Variants in KMT2B observed in about 807,000 individuals in gnomAD.
KMT2B encodes histone-lysine N-methyltransferase 2B.
Under a neutral mutation model 255.3 loss-of-function variants are expected in KMT2B, and 22 were observed. The ratio of observed to expected loss-of-function variants is 0.09; its 90% CI spans 0.06 to 0.12. The LOEUF (loss-of-function observed/expected upper bound fraction) is 0.12. KMT2B is among the 10% of genes least tolerant of loss of function. The pLI, the probability that KMT2B is intolerant of heterozygous loss-of-function variation, is 1.00. For missense variants in KMT2B, 3,149 were observed against 3,737.0 expected, an observed-to-expected ratio of 0.84 and a Z score of 4.10; for synonymous variants, 1,730 against 1,498.1, an observed-to-expected ratio of 1.15 and a Z score of -3.57.
intron 30 of KMT2B, among the ~76,000 whole-genome samples, chr19:35,734,080 A>G (rs1355738732): frequency 6.6e-6 from 1 of 152,042 alleles, no homozygotes. Context: ...TCTACGTGGG[A>G]TCCTTTTAAG....
rs1599682126 is a variant in KMT2B, at chr19:35,726,413, T to C, written c.4003+60T>C. ...CCACAGGGGAATGGCCAGGCTCTTT[T>C]ACAGGCTTTAGCACAGACCCTCTTT... On this transcript the variant is annotated intron_variant, in intron 14 of 36. Transcript: ENST00000420124. 10 of 1,136,702 alleles carry C rather than the reference T, an allele frequency of 8.8e-6. No individual in the cohort carries two copies. The East Asian group carries it at 2.3e-4, about 27-fold the overall frequency. The allele number at this position is 1,136,702 out of a possible 1,614,324, so 70.4% of individuals were successfully genotyped here.
Position 35,723,724 on chromosome 19 carries a change from TC to T in KMT2B, c.3059-5del. 1 of 1,521,162 alleles carries T rather than the reference TC, an allele frequency of 6.6e-7. No individual in the cohort carries two copies. The highest frequency in any genetic ancestry group is 8.8e-7 in the Non-Finnish European group (1 of 1,134,580). 94.2% of individuals were successfully genotyped at this position (1,521,162 alleles called of 1,614,324 possible). A position where few individuals can be genotyped will look rare whatever the true frequency, so the allele number is the denominator to read the frequency against. The stretch of plus-strand genomic sequence containing the variant: ...GCTCAAATCCTACTAAGTCCCCTGT[TC>T]CCGCAGGCCGGACGATAGTGAAGAC... On this transcript the variant is annotated splice_region_variant and splice_polypyrimidine_tract_variant and intron_variant, in intron 7 of 36. Coordinates refer to ENST00000420124, the MANE Select transcript of KMT2B (RefSeq NM_014727.3). The surrounding 1 kb of genome is among the most constrained non-coding windows in gnomAD (Gnocchi z 7.5).
chr19:35,730,489 C>T, intron 24 of KMT2B, 27 bp downstream of exon 24: 1 of 1,613,978 alleles, frequency 6.2e-7, no homozygotes, highest in Non-Finnish European at 8.5e-7. Context: ...CCGCCCTGTC[C>T]TCCTACCCTG....
In KMT2B at chr19:35,722,980, T is replaced by C. The variant is rs1599675644; in HGVS notation, c.2723-15T>C. ...CTTTGTGGCTCCATCCCCTCCTCCC[T>C]GCCTGCTGCAATAGATACATCATCG... On this transcript the variant is annotated splice_polypyrimidine_tract_variant and intron_variant, in intron 5 of 36. Transcript: ENST00000420124. The C allele has an allele frequency of 6.5e-7, 1 of 1,544,458 alleles. No homozygotes were observed. Among genetic ancestry groups the C allele is most frequent in the South Asian group, 1.2e-5 (1 of 81,034 alleles).
rs376561952 is a variant in KMT2B, at chr19:35,725,187, G to A, written c.3529-33G>A. The stretch of plus-strand genomic sequence containing the variant: ...GGTGGGTCTGCCTTGTATGCCTGGC[G>A]GCCCTCTGATCCTGCATCCTCTCTT... On this transcript the variant is annotated intron_variant, in intron 10 of 36. Transcript: ENST00000420124. This position sits in a 1 kb window ranked among gnomAD's most constrained non-coding sequence, Gnocchi z 4.1. 6.8e-4 allele frequency: 1,081 copies of A among 1,598,348 alleles called. 2 individuals are homozygous for A. The highest frequency in any genetic ancestry group is 1.2e-3 in the Middle Eastern group (7 of 6,048).
In KMT2B at chr19:35,722,401, A is replaced by G; in HGVS notation, c.2500A>G (p.Lys834Glu). ...GATGGAGGAGGTGGCCGGGGCTGTC[A>G]AGCAGATCTCCGACAGAGGCCCTGT... is the stretch of plus-strand genomic sequence containing the variant. ...GQMEEVAGAV[K>E]QISDRGPVRS... The change falls in exon 4 of 37, where the codon AAG becomes GAG. Residue 834 changes from lysine (K) to glutamate (E), a missense_variant. Lys to Glu is a moderately conservative substitution (Grantham distance 56, BLOSUM62 1). Around this residue, in one of 18 missense-constraint regions of KMT2B, gnomAD observed 1,188 missense variants for 1,106.4 expected, o/e 1.07. Transcript: ENST00000420124. 1 of 1,611,110 alleles carries G rather than the reference A, an allele frequency of 6.2e-7. No individual in the cohort carries two copies. Among genetic ancestry groups the G allele is most frequent in the Non-Finnish European group, 8.5e-7 (1 of 1,179,792 alleles).
In KMT2B at chr19:35,738,779, A is replaced by G. The variant is rs1337969489; in HGVS notation, c.*222A>G. 4.5e-5 allele frequency: 26 copies of G among 581,744 alleles called. No homozygotes were observed. The highest frequency in any genetic ancestry group is 7.5e-5 in the Non-Finnish European group (25 of 332,786). The allele number at this position is 581,744 out of a possible 1,614,324, so 36.0% of individuals were successfully genotyped here. ...TGGGGGCCCAGGATGTAGATATTGT[A>G]CAAAGGTTTCTAAATCCCTTCTTTT... On this transcript the variant is annotated 3_prime_UTR_variant, in exon 37 of 37. Coordinates refer to ENST00000420124, the MANE Select transcript of KMT2B (RefSeq NM_014727.3). The surrounding 1 kb of genome is among the most constrained non-coding windows in gnomAD (Gnocchi z 8.7).
In KMT2B at chr19:35,723,174, C is replaced by T. The variant is rs769852652; in HGVS notation, c.2902C>T (p.His968Tyr). 1 of 1,613,508 alleles carries T rather than the reference C, an allele frequency of 6.2e-7. No individual in the cohort carries two copies. The highest frequency in any genetic ancestry group is 1.1e-5 in the South Asian group (1 of 91,086). Residue 968 changes from histidine to tyrosine, a missense_variant, in exon 6 of 37, where the codon CAC becomes TAC. Physicochemically the swap from His to Tyr is moderately conservative, Grantham distance 83. This residue lies in a region of KMT2B where 132 missense variants were observed against 174.7 expected (regional missense o/e 0.76). Coordinates refer to ENST00000420124, the MANE Select transcript of KMT2B (RefSeq NM_014727.3). This position sits in a 1 kb window ranked among gnomAD's most constrained non-coding sequence, Gnocchi z 7.5. ...GAAGATGCGCATGGCTCGATGTGGA[C>T]ACTGTCGGGGCTGCCTACGTGTGCA... Reference protein sequence around the residue: ...GKKMRMARCGHCRGCLRVQDC... With the variant: ...GKKMRMARCGYCRGCLRVQDC...
Position 35,732,437 on chromosome 19 carries a change from C to T in KMT2B, c.5888C>T (p.Pro1963Leu), listed in dbSNP as rs146177906. Residue 1963 changes from proline to leucine, a missense_variant, in exon 28 of 37, where the codon CCG becomes CTG. By Grantham distance (98) the Pro-to-Leu change is moderately conservative. This residue lies in a region of KMT2B where 897 missense variants were observed against 825.3 expected (regional missense o/e 1.09). Coordinates refer to ENST00000420124, the MANE Select transcript of KMT2B (RefSeq NM_014727.3). ...PTSGELAPPG[P>L]APSPPPPEDL... Reference sequence around the variant, plus strand: ...TCAGGGGAGCTGGCTCCCCCTGGCCCGGCCCCATCTCCACCACCCCCTGAA... The same window carrying T: ...TCAGGGGAGCTGGCTCCCCCTGGCCTGGCCCCATCTCCACCACCCCCTGAA... 6.4e-4 allele frequency: 1,035 copies of T among 1,613,790 alleles called. No individual in the cohort carries two copies. The highest frequency in any genetic ancestry group is 7.9e-4 in the Non-Finnish European group (934 of 1,179,764).
Position 35,738,240 on chromosome 19 carries a change from C to T in KMT2B, c.7873-42C>T, listed in dbSNP as rs371227462. The T allele has an allele frequency of 6.9e-5, 112 of 1,613,224 alleles. No individual in the cohort carries two copies. The highest frequency in any genetic ancestry group is 9.2e-5 in the Non-Finnish European group (108 of 1,179,506). On this transcript the variant is annotated intron_variant, in intron 36 of 36. Transcript: ENST00000420124. The surrounding 1 kb of genome is among the most constrained non-coding windows in gnomAD (Gnocchi z 8.7). ...AGACAGTGGGTGAAGCGAGCCTGTCCGCGGGGACAGAGCACCTGATCTCCC... is the reference window on the plus strand; with the variant it reads ...AGACAGTGGGTGAAGCGAGCCTGTCTGCGGGGACAGAGCACCTGATCTCCC...
intron 9 of KMT2B, 92 bp downstream of exon 9, chr19:35,724,823 C>A: frequency 8.1e-7 from 1 of 1,234,592 alleles, no homozygotes; most frequent in Non-Finnish European, 1.2e-6. Context: ...GGTGTGTCCA[C>A]ATGAGAGGAC....
In KMT2B at chr19:35,736,903, T is replaced by A. The variant is rs770994061; in HGVS notation, c.7298-9T>A. The A allele has an allele frequency of 3.7e-6, 6 of 1,613,644 alleles. No homozygotes were observed. The East Asian group carries it at 1.1e-4, about 30-fold the overall frequency. On this transcript the variant is annotated splice_polypyrimidine_tract_variant and intron_variant, in intron 31 of 36. Coordinates refer to ENST00000420124, the MANE Select transcript of KMT2B (RefSeq NM_014727.3). ...TCCTGACTCAGCTCTGGCTCTGCTG[T>A]CTCCCCAGGGGCGTGGAGAACTCTG...
intron 30 of KMT2B, chr19:35,735,754 A>G (rs1169472434): frequency 6.6e-6 from 1 of 152,080 alleles, no homozygotes; most frequent in Admixed American, 6.6e-5. Context: ...CGCCAAACCC[A>G]TTCTTCTTTT....
At position 35,719,454 on chromosome 19, in the gene KMT2B, G is replaced by C. The variant is rs1969091933; in HGVS notation, c.364-15G>C. 2.6e-6 allele frequency: 4 copies of C among 1,567,286 alleles called. No individual in the cohort carries two copies. Among genetic ancestry groups the C allele is most frequent in the Non-Finnish European group, 2.6e-6 (3 of 1,155,232 alleles). The stretch of plus-strand genomic sequence containing the variant: ...GACTGCTGTTTCTCCCCTCCACCCC[G>C]GTCCCCTAAATCAGGAGTTTCAGGG... On this transcript the variant is annotated splice_polypyrimidine_tract_variant and intron_variant, in intron 1 of 36. Transcript: ENST00000420124.
rs1400971328 is a variant in KMT2B, at chr19:35,718,151, G to A, written c.133G>A (p.Val45Ile). Residue 45 changes from valine to isoleucine, a missense_variant, in exon 1 of 37, where the codon GTA (valine) becomes ATA (isoleucine). By Grantham distance (29) the Val-to-Ile change is conservative (BLOSUM62 3). This residue lies in a region of KMT2B where 1,188 missense variants were observed against 1,106.4 expected (regional missense o/e 1.07). Coordinates refer to ENST00000420124, the MANE Select transcript of KMT2B (RefSeq NM_014727.3). This position sits in a 1 kb window ranked among gnomAD's most constrained non-coding sequence, Gnocchi z 5.0. ...GRGNGAERVR[V>I]ALRRGGGATG... ...GGGCAACGGGGCCGAAAGAGTGCGG[G>A]TAGCTCTGCGGCGCGGCGGTGGCGC... The A allele has an allele frequency of 1.3e-5, 14 of 1,059,346 alleles. No homozygotes were observed. Among genetic ancestry groups the A allele is most frequent in the African/African-American group, 1.7e-5 (1 of 58,562 alleles). 65.6% of individuals were successfully genotyped at this position (1,059,346 alleles called of 1,614,324 possible).
Position 35,718,476 on chromosome 19 carries a change from G to A in KMT2B, c.363+95G>A, listed in dbSNP as rs546420065. The A allele has an allele frequency of 4.2e-6, 5 of 1,180,386 alleles. No homozygotes were observed. Among genetic ancestry groups the A allele is most frequent in the Non-Finnish European group, 5.3e-6 (5 of 946,036 alleles). The allele number at this position is 1,180,386 out of a possible 1,614,324, so 73.1% of individuals were successfully genotyped here. On this transcript the variant is annotated intron_variant, in intron 1 of 36. Coordinates refer to ENST00000420124, the MANE Select transcript of KMT2B (RefSeq NM_014727.3). The surrounding 1 kb of genome is among the most constrained non-coding windows in gnomAD (Gnocchi z 5.0). ...CCCGGGGGCGGCGTGGGCAGGCCGGGTCCTCAGGGTTCCTTCGGAGAGACG... is the reference window on the plus strand; with the variant it reads ...CCCGGGGGCGGCGTGGGCAGGCCGGATCCTCAGGGTTCCTTCGGAGAGACG...
chr19:35,732,463 G>A lies in KMT2B; in HGVS notation c.5914G>A (p.Asp1972Asn). The A allele has an allele frequency of 6.2e-7, 1 of 1,613,808 alleles. No homozygotes were observed. The highest frequency in any genetic ancestry group is 8.5e-7 in the Non-Finnish European group (1 of 1,179,828). The change falls in exon 28 of 37, where the codon GAC (aspartate) becomes AAC (asparagine). Residue 1972 changes from aspartate to asparagine, a missense_variant. By Grantham distance (23) the Asp-to-Asn change is conservative (BLOSUM62 1). This residue lies in a region of KMT2B where 897 missense variants were observed against 825.3 expected (regional missense o/e 1.09). Coordinates refer to ENST00000420124, the MANE Select transcript of KMT2B (RefSeq NM_014727.3). ...GPAPSPPPPE[D>N]LGPDFEDMEV... ...GGCCCCATCTCCACCACCCCCTGAAGACCTGGGCCCAGACTTCGAGGACAT... is the reference window on the plus strand; with the variant it reads ...GGCCCCATCTCCACCACCCCCTGAAAACCTGGGCCCAGACTTCGAGGACAT...
rs1330696061 is a variant in KMT2B at position 35,733,764 on chromosome 19, C to T, written c.7051C>T (p.Pro2351Ser). 6 of 1,612,708 alleles carry T rather than the reference C, an allele frequency of 3.7e-6. No individual in the cohort carries two copies. Among genetic ancestry groups the T allele is most frequent in the African/African-American group, 1.3e-5 (1 of 74,856 alleles). ...TTCCTGACAGGTCTCTTCTCGCAGG[C>T]CCCTCCAGGAACGGTCCCCTTTGCT... Reference protein sequence around the residue: ...GEPAGEESPGPLQERSPLLPL... With the variant: ...GEPAGEESPGSLQERSPLLPL... The change falls in exon 30 of 37, where the codon CCC (proline) becomes TCC (serine). Residue 2351 changes from proline (P) to serine (S), a missense_variant and splice_region_variant. Pro to Ser is a moderately conservative substitution (Grantham distance 74). Around this residue, in one of 18 missense-constraint regions of KMT2B, gnomAD observed 897 missense variants for 825.3 expected, o/e 1.09. Coordinates refer to ENST00000420124, the MANE Select transcript of KMT2B (RefSeq NM_014727.3). This position sits in a 1 kb window ranked among gnomAD's most constrained non-coding sequence, Gnocchi z 4.3.
At position 35,725,728 on chromosome 19, in the gene KMT2B, C is replaced by G. The variant is rs910811106; in HGVS notation, c.3795C>G (p.Leu1265=). Residue 1265 remains leucine (L), a synonymous_variant, in exon 13 of 37, where the codon CTC becomes CTG. Coordinates refer to ENST00000420124, the MANE Select transcript of KMT2B (RefSeq NM_014727.3). This position sits in a 1 kb window ranked among gnomAD's most constrained non-coding sequence, Gnocchi z 4.1. Reference sequence around the variant, plus strand: ...TCTGTCTCCACATCCAACAGCACCTCCTGGAGTGCGAGCGCTGCCGCCATG... The same window carrying G: ...TCTGTCTCCACATCCAACAGCACCTGCTGGAGTGCGAGCGCTGCCGCCATG... The part of the protein sequence containing the change: ...CGRKGRGSKH[L]LECERCRHAY... 13 of 1,610,630 alleles carry G rather than the reference C, an allele frequency of 8.1e-6. No homozygotes were observed. In the African/African-American group the frequency reaches 1.7e-4, roughly 22 times the overall value.
Sources: gnomAD v4.1 joint callset for allele counts (sites outside exome capture counted in the v4.1 genomes callset) on GRCh38, gnomAD v4.1.1 for gene constraint, gnomAD v4.1.1 regional missense constraint, Gnocchi (gnomAD v3.1) non-coding constraint, MANE v1.5 for transcripts, NCBI Gene and HGNC (gene_info 2026-07-23, HGNC 2026-07-21) for gene names.